MAPK10: variants seen among roughly 807,000 people sequenced by gnomAD.
MAPK10 encodes JNK3 alpha protein kinase.
MAPK10 carries 25 observed loss-of-function variants against 59.3 expected under a neutral mutation model. The ratio of observed to expected loss-of-function variants is 0.42; its 90% CI spans 0.31 to 0.59. The LOEUF is 0.59. Ranked by LOEUF, MAPK10 falls within the 20% of genes least tolerant of loss-of-function variation. The probability of loss-of-function intolerance (pLI) is 0.15; values close to 1 mark genes in which losing one functional copy is unlikely to be tolerated. For synonymous variants in MAPK10, 190 were observed against 200.5 expected (o/e 0.95, Z 0.44); for missense variants, 351 against 568.9 (o/e 0.62, Z 3.90).
At chr4:86,581,769 C>A (rs1387146337) in intron 1 of MAPK10, among the ~76,000 whole-genome samples, 1 of 147,808 alleles carries the variant, frequency 6.8e-6, no homozygotes, top group Non-Finnish European at 1.5e-5. Context: ...CTCTATGTAT[C>A]TTTGAATAGA....
chr4:86,360,511 G>A (rs963242740), upstream of MAPK10, among the ~76,000 whole-genome samples: 3 of 152,160 alleles, frequency 2.0e-5, no homozygotes, highest in African/African-American at 7.2e-5. Flanking sequence ...GAACCCCGAG[G>A]TCATCTGCAC....
At chr4:86,475,769 C>T (rs1307390478) in intron 1 of MAPK10, among the ~76,000 whole-genome samples, 2 of 151,926 alleles carry the variant, frequency 1.3e-5, no homozygotes, top group Non-Finnish European at 2.9e-5. Flanking sequence ...GCAAGAACCC[C>T]CCACCCCTTC....
intron 1 of MAPK10, among the ~76,000 whole-genome samples, chr4:86,562,283 A>G (rs1226285066): frequency 6.6e-6 from 1 of 152,068 alleles, no homozygotes; most frequent in African/African-American, 2.4e-5. Context: ...TATCAAAAAA[A>G]TTAATAAATA....
At chr4:86,424,246 A>G (rs1746967082) in intron 1 of MAPK10, among the ~76,000 whole-genome samples, 1 of 151,892 alleles carries the variant, frequency 6.6e-6, no homozygotes, top group Non-Finnish European at 1.5e-5. Context: ...TCTGTTGCCC[A>G]GTGGCGCAAT....
chr4:86,102,008 A>G lies in MAPK10; in HGVS notation c.450T>C (p.Asp150=). The change falls in exon 7 of 14, where the codon GAT becomes GAC. Residue 150 remains aspartate, a synonymous_variant. Transcript: ENST00000641462. ...QDVYLVMELM[D]ANLCQVIQME... ...TCTGAATCACTTGACATAAGTTGGC[A>G]TCCATCAGTTCCATTACTAAGTAAC... 1.2e-6 allele frequency: 2 copies of G among 1,614,058 alleles called. No homozygotes were observed. The highest frequency in any genetic ancestry group is 1.7e-6 in the Non-Finnish European group (2 of 1,179,906).
chr4:86,203,444 CA>C (rs774291158), intron 2 of MAPK10, among the ~76,000 whole-genome samples: 56 of 151,460 alleles, frequency 3.7e-4, no homozygotes, highest in Non-Finnish European at 6.6e-4. Context: ...TTCACAAATG[CA>C]AAAATCAAAT....
intron 1 of MAPK10, among the ~76,000 whole-genome samples, chr4:86,562,977 T>C (rs1413256652): frequency 6.6e-6 from 1 of 152,246 alleles, no homozygotes; most frequent in South Asian, 2.1e-4. Flanking sequence ...TCCTTCTTTG[T>C]ATAACTCTTA....
chr4:86,478,176 T>C (rs1394235492), intron 1 of MAPK10, among the ~76,000 whole-genome samples: 2 of 152,154 alleles, frequency 1.3e-5, no homozygotes, highest in Admixed American at 1.3e-4. Flanking sequence ...ACAAAACCAT[T>C]ATATAAACTC....
chr4:86,576,593 C>T (rs1761910690), intron 1 of MAPK10, among the ~76,000 whole-genome samples: 5 of 151,412 alleles, frequency 3.3e-5, no homozygotes, highest in Admixed American at 2.0e-4. Context: ...ACTAACACAG[C>T]GAAACCCCGT....
intron 11 of MAPK10, among the ~76,000 whole-genome samples, chr4:86,037,558 A>G (rs1214109199): frequency 1.3e-5 from 2 of 151,784 alleles, no homozygotes; most frequent in Non-Finnish European, 2.9e-5. Flanking sequence ...GACTTCATTC[A>G]TTTTATCCCA....
chr4:86,302,753 T>C (rs2095493480), intron 2 of MAPK10, among the ~76,000 whole-genome samples: 2 of 152,208 alleles, frequency 1.3e-5, no homozygotes. Flanking sequence ...AAAGCCAGTC[T>C]ATCTATTCAT....
chr4:86,071,647 G>C (rs1384168823), intron 9 of MAPK10, among the ~76,000 whole-genome samples: 1 of 151,036 alleles, frequency 6.6e-6, no homozygotes, highest in Non-Finnish European at 1.5e-5. Context: ...TATTAAATAG[G>C]GAATCCTTTC....
At chr4:86,528,127 T>G (rs1260708580) in intron 1 of MAPK10, among the ~76,000 whole-genome samples, 1 of 152,202 alleles carries the variant, frequency 6.6e-6, no homozygotes, top group East Asian at 1.9e-4. Flanking sequence ...AACAAACCTG[T>G]GCTTGTGCCC....
At chr4:86,037,512 T>G (rs1233429073) in intron 11 of MAPK10, among the ~76,000 whole-genome samples, 3 of 150,548 alleles carry the variant, frequency 2.0e-5, no homozygotes, top group South Asian at 2.1e-4. Context: ...TGAGCGAGAC[T>G]CCGTCTAAAA....
intron 1 of MAPK10, among the ~76,000 whole-genome samples, chr4:86,390,398 T>C (rs564413237): frequency 7.2e-4 from 110 of 152,296 alleles, no homozygotes; most frequent in Admixed American, 2.3e-3. Flanking sequence ...CACCTTAGAA[T>C]GTAGAGAAAG....
At chr4:86,584,651 G>A (rs940703583) in intron 1 of MAPK10, among the ~76,000 whole-genome samples, 2 of 152,080 alleles carry the variant, frequency 1.3e-5, no homozygotes, top group African/African-American at 4.8e-5. Flanking sequence ...ACAGGCTGTT[G>A]CCCAGGCTGA....
chr4:86,205,083 A>G (rs892548816), intron 2 of MAPK10, among the ~76,000 whole-genome samples: 1 of 152,008 alleles, frequency 6.6e-6, no homozygotes, highest in African/African-American at 2.4e-5. Flanking sequence ...ATTAAGCTAT[A>G]AGCTATCATG....
At chr4:86,477,401 C>A (rs1185890605) in intron 1 of MAPK10, among the ~76,000 whole-genome samples, 1 of 152,130 alleles carries the variant, frequency 6.6e-6, no homozygotes, top group Non-Finnish European at 1.5e-5. Flanking sequence ...TGGGCTACAG[C>A]CACACCTCAT....
At chr4:86,136,787 C>G (rs1368844019) in intron 4 of MAPK10, among the ~76,000 whole-genome samples, 1 of 151,536 alleles carries the variant, frequency 6.6e-6, no homozygotes, top group Non-Finnish European at 1.5e-5. Context: ...ATTCAGGAAA[C>G]CCATCTCACG....
Sources: gnomAD v4.1 joint callset for allele counts (sites outside exome capture counted in the v4.1 genomes callset) on GRCh38, gnomAD v4.1.1 for gene constraint, MANE v1.5 for transcripts, NCBI Gene and HGNC (gene_info 2026-07-23, HGNC 2026-07-21) for gene names.